The following GTF3C1 variants were observed in gnomAD, a reference collection of about 807,000 sequenced individuals.
GTF3C1 encodes the protein general transcription factor IIIC subunit 1.
In GTF3C1, 57 loss-of-function variants were observed where a neutral mutation model predicts 226.7. The ratio of observed to expected loss-of-function variants is 0.25; its 90% CI spans 0.20 to 0.31. GTF3C1 has a LOEUF of 0.31. Among genes scored for constraint, GTF3C1 ranks in the 10% least tolerant of loss-of-function variants. The pLI is 1.00. For missense variants in GTF3C1, 2,217 were observed against 2,776.1 expected (o/e 0.80, Z 4.53); for synonymous variants, 1,090 against 1,084.8 (o/e 1.00, Z -0.09).
At chr16:27,474,736 G>A (rs1351910183) in intron 29 of GTF3C1, among the ~76,000 whole-genome samples, 2 of 152,172 alleles carry the variant, frequency 1.3e-5, no homozygotes, top group Admixed American at 6.5e-5. Flanking sequence ...AAATGCTGGG[G>A]TGGCAGAGGG....
In GTF3C1 at chr16:27,470,359, C is replaced by T. The variant is rs779096778; in HGVS notation, c.4563G>A (p.Thr1521=). The stretch of plus-strand genomic sequence containing the variant: ...TTCTGTCCAAAAACTGGAATGACTC[C>T]GTGCAGATGGTGCTTGGAAATCGCC... The part of the protein sequence containing the change: ...FTWRFPSTIC[T]ESFQFLDRMR... The change falls in exon 31 of 37, where the codon ACG becomes ACA. Residue 1521 remains threonine (T), a synonymous_variant. Coordinates refer to ENST00000356183, the MANE Select transcript of GTF3C1 (RefSeq NM_001520.4). The surrounding 1 kb of genome is among the most constrained non-coding windows in gnomAD (Gnocchi z 4.9). The T allele has an allele frequency of 6.8e-6, 11 of 1,614,000 alleles. No individual in the cohort carries two copies. The highest frequency in any genetic ancestry group is 1.6e-4 in the Middle Eastern group (1 of 6,070).
chr16:27,525,458 C>A (rs1308393010), intron 6 of GTF3C1, among the ~76,000 whole-genome samples: 1 of 152,184 alleles, frequency 6.6e-6, no homozygotes, highest in Non-Finnish European at 1.5e-5. Flanking sequence ...TCCTAACCTC[C>A]CAGCTGTTCC....
chr16:27,485,432 G>A (rs539176770), intron 24 of GTF3C1, among the ~76,000 whole-genome samples: 2 of 152,202 alleles, frequency 1.3e-5, no homozygotes, highest in Non-Finnish European at 2.9e-5. Context: ...AGAAGTATCC[G>A]GCCAAGAACA....
intron 2 of GTF3C1, among the ~76,000 whole-genome samples, chr16:27,541,401 CA>C (rs1007606821): frequency 1.3e-5 from 2 of 152,166 alleles, no homozygotes; most frequent in African/African-American, 2.4e-5. Flanking sequence ...TAACATGGGT[CA>C]GGGGTTACAA....
Position 27,511,878 on chromosome 16 carries a change from G to A in GTF3C1, c.997C>T (p.Leu333Phe). Residue 333 changes from leucine (L) to phenylalanine (F), a missense_variant, in exon 7 of 37, where the codon CTC becomes TTC. Around this residue, in one of 12 missense-constraint regions of GTF3C1, gnomAD observed 163 missense variants for 234.3 expected, o/e 0.70. Transcript: ENST00000356183. ...CGTTTAAATTCCTTCAGCAGCTTGA[G>A]GCACCGAACCATGACGTCGGTCCCT... ...KKGTDVMVRC[L>F]KLLKEFKRND... The A allele has an allele frequency of 6.2e-7, 1 of 1,614,078 alleles. No individual in the cohort carries two copies. Among genetic ancestry groups the A allele is most frequent in the Non-Finnish European group, 8.5e-7 (1 of 1,180,010 alleles).
At chr16:27,495,178 G>A (rs756510559) in intron 15 of GTF3C1, 33 bp downstream of exon 15, 34 of 1,551,836 alleles carry the variant, frequency 2.2e-5, no homozygotes, top group Admixed American at 2.0e-4. Context: ...GGGCCTGCCC[G>A]CCCCAGGTGC....
At chr16:27,480,296 C>G (rs1242800399) in intron 27 of GTF3C1, among the ~76,000 whole-genome samples, 1 of 150,920 alleles carries the variant, frequency 6.6e-6, no homozygotes, top group East Asian at 2.0e-4. Flanking sequence ...ATTGGATTGA[C>G]TTGAAACCAT....
chr16:27,539,972 A>AAGGGTCC (rs2089057881), intron 2 of GTF3C1, among the ~76,000 whole-genome samples: 1 of 152,138 alleles, frequency 6.6e-6, no homozygotes. Context: ...AGGAGTCACC[A>AAGGGTCC]AGGGTCCACA....
intron 29 of GTF3C1, among the ~76,000 whole-genome samples, chr16:27,475,699 G>A (rs978142011): frequency 1.3e-5 from 2 of 152,168 alleles, no homozygotes; most frequent in African/African-American, 4.8e-5. Context: ...TCACTCTCAT[G>A]TTCTTTCAGC....
intron 33 of GTF3C1, among the ~76,000 whole-genome samples, chr16:27,465,044 G>A (rs1336195263): frequency 6.6e-6 from 1 of 152,194 alleles, no homozygotes; most frequent in Non-Finnish European, 1.5e-5. Flanking sequence ...CTGGCTGCTC[G>A]TGAACCACGT....
At chr16:27,539,408 A>T (rs1294942200) in intron 2 of GTF3C1, among the ~76,000 whole-genome samples, 1 of 152,226 alleles carries the variant, frequency 6.6e-6, no homozygotes, top group Non-Finnish European at 1.5e-5. Context: ...GCTGACACCT[A>T]ACAGTCTTTA....
At chr16:27,478,027 TGGGTG>T in intron 28 of GTF3C1, among the ~76,000 whole-genome samples, 1 of 152,122 alleles carries the variant, frequency 6.6e-6, no homozygotes, top group South Asian at 2.1e-4. Context: ...AAAAATTAGC[TGGGTG>T]TGGTGGCAGG....
intron 5 of GTF3C1, among the ~76,000 whole-genome samples, chr16:27,530,775 C>T (rs889876284): frequency 2.6e-5 from 4 of 152,176 alleles, no homozygotes; most frequent in African/African-American, 9.7e-5. Context: ...GGGCCAGGCA[C>T]TGTCTTCATC....
At chr16:27,483,334 A>G (rs2088085595) in intron 25 of GTF3C1, 2 of 666,102 alleles carry the variant, frequency 3.0e-6, no homozygotes, top group South Asian at 3.0e-5. Context: ...CACACTTTAC[A>G]CCTTGGCTTC....
Position 27,495,223 on chromosome 16 carries a change from C to A in GTF3C1, c.2620G>T (p.Ala874Ser), listed in dbSNP as rs2088297883. 1 of 1,610,362 alleles carries A rather than the reference C, an allele frequency of 6.2e-7. No individual in the cohort carries two copies. The highest frequency in any genetic ancestry group is 2.2e-5 in the East Asian group (1 of 44,846). Residue 874 changes from alanine to serine, a missense_variant, in exon 15 of 37, where the codon GCC becomes TCC. Transcript: ENST00000356183. ...AGGGGCCTCTCACCTGTCTCCGTGG[C>A]AAGCTCCACTTCAGCCTCCCAGGTG... is the stretch of plus-strand genomic sequence containing the variant. Reference protein sequence around the residue: ...GVTWEAEVELATETVYVDDAS... With the variant: ...GVTWEAEVELSTETVYVDDAS...
At position 27,461,763 on chromosome 16, in the gene GTF3C1, G is replaced by T; in HGVS notation, c.6118-201C>A. On this transcript the variant is annotated intron_variant, in intron 36 of 36. Coordinates refer to ENST00000356183, the MANE Select transcript of GTF3C1 (RefSeq NM_001520.4). The surrounding 1 kb of genome is among the most constrained non-coding windows in gnomAD (Gnocchi z 5.3). Reference sequence around the variant, plus strand: ...CCTGGTGGGAGAGGCAGCTGCCTGAGCAGCACGTGTACAGCGCTGGCTGGA... The same window carrying T: ...CCTGGTGGGAGAGGCAGCTGCCTGATCAGCACGTGTACAGCGCTGGCTGGA... 1 of 595,728 alleles carries T rather than the reference G, an allele frequency of 1.7e-6. No individual in the cohort carries two copies. Among genetic ancestry groups the T allele is most frequent in the East Asian group, 2.8e-5 (1 of 35,954 alleles). The allele number at this position is 595,728 out of a possible 1,614,324, so 36.9% of individuals were successfully genotyped here.
At chr16:27,535,315 G>A (rs1338705420) in intron 4 of GTF3C1, among the ~76,000 whole-genome samples, 6 of 152,192 alleles carry the variant, frequency 3.9e-5, no homozygotes, top group Admixed American at 6.5e-5. Context: ...GCTCACGCTT[G>A]TAATCCCAGC....
intron 26 of GTF3C1, chr16:27,482,547 G>A: frequency 2.2e-6 from 1 of 456,022 alleles, no homozygotes; most frequent in Non-Finnish European, 4.4e-6. Flanking sequence ...GCCTCTCCTT[G>A]TCCACTGGCC....
chr16:27,464,906 G>A (rs2087762106), intron 33 of GTF3C1, 70 bp from the exon 34 acceptor site: 2 of 1,294,338 alleles, frequency 1.5e-6, no homozygotes, highest in South Asian at 1.5e-5. Flanking sequence ...CGGGGGACGA[G>A]TGGAGTGGCC....
Sources: gnomAD v4.1 joint callset for allele counts (sites outside exome capture counted in the v4.1 genomes callset) on GRCh38, gnomAD v4.1.1 for gene constraint, gnomAD v4.1.1 regional missense constraint, Gnocchi (gnomAD v3.1) non-coding constraint, MANE v1.5 for transcripts, NCBI Gene and HGNC (gene_info 2026-07-23, HGNC 2026-07-21) for gene names.